The following TBC1D12 variants were observed in gnomAD, a reference collection of about 807,000 sequenced individuals.
TBC1D12 encodes the protein TBC1 domain family member 12.
TBC1D12 carries 56 observed loss-of-function variants against 86.7 expected under a neutral mutation model. The observed-to-expected ratio is 0.65, with a 90% CI of 0.52 to 0.81. The LOEUF (loss-of-function observed/expected upper bound fraction) is 0.81, where lower values mean the gene tolerates loss of function less well. TBC1D12 is among the 30% of genes least tolerant of loss of function. TBC1D12 has a pLI of 0.00. For synonymous variants in TBC1D12, 421 were observed against 411.7 expected (o/e 1.02, Z -0.27); for missense variants, 1,023 against 1,038.8 (o/e 0.98, Z 0.21).
intron 11 of TBC1D12, among the ~76,000 whole-genome samples, chr10:94,525,496 C>T (rs1012325789): frequency 3.3e-5 from 5 of 151,502 alleles, no homozygotes; most frequent in African/African-American, 7.3e-5. Flanking sequence ...CCCAGCCACT[C>T]GGGAGGCTGA....
chr10:94,430,623 A>C (rs1186770808), intron 1 of TBC1D12, among the ~76,000 whole-genome samples: 1 of 152,188 alleles, frequency 6.6e-6, no homozygotes, highest in Non-Finnish European at 1.5e-5. Context: ...GAAATGAAGA[A>C]ATTTTAGGAG....
chr10:94,410,400 G>GT (rs976474932), intron 1 of TBC1D12, among the ~76,000 whole-genome samples: 2 of 151,800 alleles, frequency 1.3e-5, no homozygotes, highest in African/African-American at 4.8e-5. Flanking sequence ...TTTCATATGT[G>GT]TTTTTTTTCT....
intron 5 of TBC1D12, among the ~76,000 whole-genome samples, chr10:94,497,406 T>A (rs2056335741): frequency 6.6e-6 from 1 of 152,124 alleles, no homozygotes. Flanking sequence ...ATTATACTAT[T>A]AATTAATGCC....
intron 2 of TBC1D12, among the ~76,000 whole-genome samples, chr10:94,443,566 C>T (rs2055410761): frequency 6.6e-6 from 1 of 152,210 alleles, no homozygotes; most frequent in Non-Finnish European, 1.5e-5. Flanking sequence ...GCACTTAACA[C>T]ACTGGGGTAC....
At chr10:94,495,864 G>A (rs1401759969) in intron 4 of TBC1D12, among the ~76,000 whole-genome samples, 1 of 152,174 alleles carries the variant, frequency 6.6e-6, no homozygotes, top group East Asian at 1.9e-4. Context: ...AGCACTTTGG[G>A]AGGCTAAGGC....
chr10:94,520,189 C>G (rs1312910686), intron 9 of TBC1D12, among the ~76,000 whole-genome samples: 2 of 152,200 alleles, frequency 1.3e-5, no homozygotes, highest in Non-Finnish European at 2.9e-5. Context: ...ATTGGTCATA[C>G]TGGCAAGAGA....
At chr10:94,413,306 A>G (rs920915098) in intron 1 of TBC1D12, among the ~76,000 whole-genome samples, 1 of 152,274 alleles carries the variant, frequency 6.6e-6, no homozygotes, top group Admixed American at 6.5e-5. Context: ...TTTTCATTTT[A>G]TGCTGTTTAG....
intron 9 of TBC1D12, among the ~76,000 whole-genome samples, chr10:94,515,650 A>G (rs1225328650): frequency 1.3e-5 from 2 of 152,156 alleles, no homozygotes; most frequent in Non-Finnish European, 2.9e-5. Flanking sequence ...TGCCCGGCCT[A>G]TGTAGGGTTT....
intron 1 of TBC1D12, among the ~76,000 whole-genome samples, chr10:94,439,739 AT>A (rs1420895632): frequency 6.6e-5 from 10 of 152,166 alleles, no homozygotes; most frequent in African/African-American, 2.4e-4. Context: ...GATTAAAGGA[AT>A]TTTTTCTGTT....
chr10:94,468,841 A>AT (rs564965551), intron 2 of TBC1D12, among the ~76,000 whole-genome samples: 75 of 151,966 alleles, frequency 4.9e-4, no homozygotes, highest in African/African-American at 1.8e-3. Flanking sequence ...TATTTCTTCA[A>AT]TTTTTTTCCC....
intron 2 of TBC1D12, among the ~76,000 whole-genome samples, chr10:94,458,456 C>T (rs932822815): frequency 6.6e-6 from 1 of 152,096 alleles, no homozygotes; most frequent in Admixed American, 6.5e-5. Flanking sequence ...AGAAAATAGA[C>T]TAAGAAAACT....
chr10:94,419,394 G>A (rs966528887), intron 1 of TBC1D12, among the ~76,000 whole-genome samples: 2 of 152,112 alleles, frequency 1.3e-5, no homozygotes, highest in African/African-American at 4.8e-5. Context: ...AACTTAAAAG[G>A]CCGGGTGCGG....
Position 94,482,738 on chromosome 10 carries a change from C to T in TBC1D12, c.1211+7955C>T, listed in dbSNP as rs549733433. ...GTGCTAGGATTACAGGCATGAGCCACGGTGCCTGGCCCATTCTTTCTATTT... is the reference window on the plus strand; with the variant it reads ...GTGCTAGGATTACAGGCATGAGCCATGGTGCCTGGCCCATTCTTTCTATTT... On this transcript the variant is annotated intron_variant, in intron 3 of 12. Transcript: ENST00000225235. 1.4e-4 allele frequency among the ~76,000 whole-genome samples: 22 copies of T among 152,240 alleles called. No homozygotes were observed. In the South Asian group the frequency reaches 1.9e-3, roughly 13 times the overall value.
intron 1 of TBC1D12, among the ~76,000 whole-genome samples, chr10:94,439,059 C>T (rs1268971296): frequency 6.6e-6 from 1 of 152,152 alleles, no homozygotes; most frequent in Non-Finnish European, 1.5e-5. Flanking sequence ...CCGCCTCAGC[C>T]TCCCAAAGTG....
intron 6 of TBC1D12, among the ~76,000 whole-genome samples, chr10:94,502,947 T>C (rs1243849378): frequency 6.6e-6 from 1 of 152,228 alleles, no homozygotes; most frequent in Admixed American, 6.5e-5. Flanking sequence ...TGGTGTATAT[T>C]CTTTCTGGTC....
chr10:94,408,542 A>G (rs920114979), intron 1 of TBC1D12, among the ~76,000 whole-genome samples: 2 of 152,080 alleles, frequency 1.3e-5, no homozygotes, highest in African/African-American at 2.4e-5. Flanking sequence ...CTAAATTCCT[A>G]TAGGTATAGT....
intron 1 of TBC1D12, among the ~76,000 whole-genome samples, chr10:94,406,616 T>TCTTTGAGCAGCTTTGAGGTAGC (rs1249298439): frequency 2.5e-4 from 38 of 152,224 alleles, no homozygotes; most frequent in Non-Finnish European, 4.6e-4. Flanking sequence ...GGTAGTGTAA[T>TCTTTGAGCAGCTTTGAGGTAGC]TTTGAGCAGA....
chr10:94,449,250 C>G (rs995784789), intron 2 of TBC1D12, among the ~76,000 whole-genome samples: 1 of 152,120 alleles, frequency 6.6e-6, no homozygotes, highest in Non-Finnish European at 1.5e-5. Flanking sequence ...TTCATCCTGT[C>G]TTTATCTCAG....
intron 2 of TBC1D12, among the ~76,000 whole-genome samples, chr10:94,459,316 G>T (rs563382955): frequency 1.5e-4 from 23 of 152,290 alleles, no homozygotes; most frequent in South Asian, 1.2e-3. Context: ...GTGCTGATTG[G>T]TGCATTTACA....
Sources: allele counts gnomAD v4.1 joint callset (sites outside exome capture counted in the v4.1 genomes callset), GRCh38; gene constraint gnomAD v4.1.1; transcripts MANE v1.5; gene names NCBI Gene and HGNC (gene_info 2026-07-23, HGNC 2026-07-21).